TMCC3: variants seen among roughly 807,000 people sequenced by gnomAD.
TMCC3 encodes the protein transmembrane and coiled-coil domain protein 3.
TMCC3 carries 28 observed loss-of-function variants against 40.2 expected under a neutral mutation model. The observed-to-expected ratio is 0.70, with a 90% confidence interval of 0.52 to 0.95. The LOEUF (loss-of-function observed/expected upper bound fraction) is 0.95, where lower values mean the gene tolerates loss of function less well. Among genes scored for constraint, TMCC3 ranks in the 40% least tolerant of loss-of-function variants. TMCC3 has a pLI of 0.00. For missense variants in TMCC3, 554 were observed against 615.2 expected, an observed-to-expected ratio of 0.90 and a Z score of 1.05; for synonymous variants, 255 against 248.5, an observed-to-expected ratio of 1.03 and a Z score of -0.25.
At chr12:94,601,732 C>T (rs2068753602) in intron 1 of TMCC3, among the ~76,000 whole-genome samples, 1 of 137,958 alleles carries the variant, frequency 7.2e-6, no homozygotes, top group East Asian at 2.3e-4. Context: ...TTGCTTGAAC[C>T]CGGGAGGCAG....
intron 1 of TMCC3, among the ~76,000 whole-genome samples, chr12:94,646,728 C>T (rs576704033): frequency 0.024 from 3,133 of 130,948 alleles, 58 homozygotes; most frequent in Admixed American, 0.077. Context: ...CGTGAGCCAC[C>T]GTGCCTGGCT....
intron 1 of TMCC3, among the ~76,000 whole-genome samples, chr12:94,610,729 CTGT>C (rs780842409): frequency 3.3e-5 from 5 of 152,186 alleles, no homozygotes; most frequent in African/African-American, 4.8e-5. Context: ...TCAATCTAAA[CTGT>C]TAAGAGAGAA....
intron 3 of TMCC3, among the ~76,000 whole-genome samples, chr12:94,577,975 C>T (rs889263648): frequency 1.3e-5 from 2 of 150,996 alleles, no homozygotes; most frequent in Non-Finnish European, 3.0e-5. Context: ...GGTGAAACCC[C>T]GTCTCTACTA....
intron 1 of TMCC3, among the ~76,000 whole-genome samples, chr12:94,636,655 A>G (rs1159204142): frequency 6.6e-6 from 1 of 152,258 alleles, no homozygotes; most frequent in African/African-American, 2.4e-5. Context: ...TAAACTAATC[A>G]GGTGAACTCC....
At chr12:94,646,259 G>C (rs1180403740) in intron 1 of TMCC3, among the ~76,000 whole-genome samples, 2 of 152,212 alleles carry the variant, frequency 1.3e-5, no homozygotes, top group Middle Eastern at 3.4e-3. Context: ...AGGTTAGAGA[G>C]ATGGGGGAGG....
At chr12:94,590,794 G>T (rs1262666191) in intron 1 of TMCC3, 12 of 445,946 alleles carry the variant, frequency 2.7e-5, no homozygotes, top group Non-Finnish European at 4.4e-5. Context: ...TCTCAGGAGA[G>T]GCGGGAGACG....
chr12:94,575,287 G>A (rs185093700), intron 3 of TMCC3, among the ~76,000 whole-genome samples: 3 of 152,260 alleles, frequency 2.0e-5, no homozygotes, highest in Admixed American at 6.5e-5. Context: ...GGCTACTCCC[G>A]GATGTAATAA....
At chr12:94,608,977 T>TA (rs990580392) in intron 1 of TMCC3, among the ~76,000 whole-genome samples, 1 of 152,188 alleles carries the variant, frequency 6.6e-6, no homozygotes, top group African/African-American at 2.4e-5. Context: ...CCCATACCTG[T>TA]AATCCCAGCA....
At chr12:94,573,950 C>T (rs1352343365) in intron 3 of TMCC3, among the ~76,000 whole-genome samples, 4 of 152,208 alleles carry the variant, frequency 2.6e-5, no homozygotes, top group Non-Finnish European at 5.9e-5. Flanking sequence ...CCTCCCCAAC[C>T]ACAAGACATA....
rs199504186 is a variant in TMCC3, at chr12:94,635,756, G to A, written c.78+14597C>T. On this transcript the variant is annotated intron_variant, in intron 1 of 3. Transcript: ENST00000261226. ...ACGATCTTGGCTCACTGCAACCTCC[G>A]CCTCCCAGGTTCGAGCAATTCTGTC... 1.3e-4 allele frequency among the ~76,000 whole-genome samples: 18 copies of A among 137,352 alleles called. No individual in the cohort carries two copies. The East Asian group carries it at 3.7e-3, about 28-fold the overall frequency. 90.1% of individuals were successfully genotyped at this position (137,352 alleles called of 152,430 possible). A position where few individuals can be genotyped will look rare whatever the true frequency, so the allele number is the denominator to read the frequency against.
chr12:94,593,448 G>T lies in TMCC3; in HGVS notation c.79-10910C>A, dbSNP rs543381460. ...GGAAGAAGAAGGAGAAGGAGAAGGA[G>T]AAGGAGAAGAAGAAGAAGAAGAAGA... On this transcript the variant is annotated intron_variant, in intron 1 of 3. Coordinates refer to ENST00000261226, the MANE Select transcript of TMCC3 (RefSeq NM_020698.4). Among the ~76,000 whole-genome samples the T allele has an allele frequency of 3.1e-5, 3 of 98,026 alleles. 1 individual carries two copies. The East Asian group carries it at 8.0e-4, about 26-fold the overall frequency. The allele number at this position is 98,026 out of a possible 152,430, so 64.3% of individuals were successfully genotyped here.
In TMCC3 at chr12:94,585,468, G is replaced by A. The variant is rs887748285; in HGVS notation, c.79-2930C>T. Among the ~76,000 whole-genome samples, 3 of 152,110 alleles carry A rather than the reference G, an allele frequency of 2.0e-5. No homozygotes were observed. In the Middle Eastern group the frequency reaches 0.01, roughly 517 times the overall value. ...TCTCAGCACTTTGGGAGGCTGAGGCGGGTGGATCATAAGGTCAGGAGATCG... is the reference window on the plus strand; with the variant it reads ...TCTCAGCACTTTGGGAGGCTGAGGCAGGTGGATCATAAGGTCAGGAGATCG... On this transcript the variant is annotated intron_variant, in intron 1 of 3. Transcript: ENST00000261226.
intron 1 of TMCC3, among the ~76,000 whole-genome samples, chr12:94,615,347 C>T (rs1313795151): frequency 6.6e-6 from 1 of 152,174 alleles, no homozygotes. Flanking sequence ...AGTTCAGACG[C>T]ACTCTCCATT....
intron 1 of TMCC3, chr12:94,644,358 G>A (rs981931850): frequency 1.1e-5 from 11 of 984,886 alleles, no homozygotes; most frequent in African/African-American, 8.7e-5. Flanking sequence ...GTCAAGCTGC[G>A]GGCATTTTCC....
chr12:94,575,530 C>G (rs1048076551), intron 3 of TMCC3, among the ~76,000 whole-genome samples: 2 of 152,166 alleles, frequency 1.3e-5, no homozygotes, highest in Non-Finnish European at 2.9e-5. Flanking sequence ...GAAGACACTC[C>G]AGTCATTCAC....
intron 1 of TMCC3, among the ~76,000 whole-genome samples, chr12:94,643,189 T>TA (rs61336218): frequency 0.21 from 31,568 of 148,074 alleles, 4,219 homozygotes; most frequent in African/African-American, 0.39. Context: ...AGACTCTGTC[T>TA]AAAAAAAAAA....
chr12:94,619,273 T>C (rs796415175), intron 1 of TMCC3, among the ~76,000 whole-genome samples: 1 of 152,328 alleles, frequency 6.6e-6, no homozygotes, highest in Middle Eastern at 3.4e-3. Flanking sequence ...GTTTGCCTGA[T>C]CTAGAGCAGG....
At chr12:94,575,201 G>A (rs542827828) in intron 3 of TMCC3, among the ~76,000 whole-genome samples, 8 of 152,102 alleles carry the variant, frequency 5.3e-5, no homozygotes, top group Non-Finnish European at 7.3e-5. Context: ...TTGTGTAACC[G>A]TGCCTGTAAG....
intron 1 of TMCC3, among the ~76,000 whole-genome samples, chr12:94,585,213 C>T (rs928021140): frequency 6.6e-6 from 1 of 152,030 alleles, no homozygotes; most frequent in Non-Finnish European, 1.5e-5. Context: ...TTAGGAAGGA[C>T]CTTATAGGGC....
Sources: allele counts gnomAD v4.1 joint callset (sites outside exome capture counted in the v4.1 genomes callset), GRCh38; gene constraint gnomAD v4.1.1; transcripts MANE v1.5; gene names NCBI Gene and HGNC (gene_info 2026-07-23, HGNC 2026-07-21).